ZNF519: variants seen among roughly 807,000 people sequenced by gnomAD.
The protein encoded by ZNF519 is similar to Zinc finger protein 85 (Zinc finger protein HPF4) (HTF1).
A neutral mutation model predicts 7.4 loss-of-function variants in ZNF519; 7 were observed. The ratio of observed to expected loss-of-function variants is 0.94; its 90% CI spans 0.54 to 1.77. The LOEUF is 1.77. ZNF519 is among the 40% of genes most tolerant of loss of function. The pLI is 0.00. For synonymous variants in ZNF519, 179 were observed against 203.3 expected (o/e 0.88, Z 1.02); for missense variants, 586 against 623.1 (o/e 0.94, Z 0.63).
intron 1 of ZNF519, among the ~76,000 whole-genome samples, chr18:14,128,086 G>A (rs950798872): frequency 4.0e-5 from 6 of 151,856 alleles, no homozygotes; most frequent in Non-Finnish European, 8.8e-5. Context: ...TCAGGAGATC[G>A]AGACCATCCT....
chr18:14,116,149 T>C (rs1164595177), intron 2 of ZNF519, among the ~76,000 whole-genome samples: 2 of 152,140 alleles, frequency 1.3e-5, no homozygotes, highest in Admixed American at 1.3e-4. Flanking sequence ...AGAAGCAAAA[T>C]TGCCAAATTG....
At position 14,114,232 on chromosome 18, in the gene ZNF519, G is replaced by C. The variant is rs111905592; in HGVS notation, c.131-7823C>G. Among the ~76,000 whole-genome samples, 26 of 152,192 alleles carry C rather than the reference G, an allele frequency of 1.7e-4. 1 individual carries two copies. Among genetic ancestry groups the C allele is most frequent in the African/African-American group, 5.8e-4 (24 of 41,550 alleles). The stretch of plus-strand genomic sequence containing the variant: ...TTTACCCCATTTAATTTCCTGGTGA[G>C]TTTCTACAATGTTTTCTTAATAGTA... On this transcript the variant is annotated intron_variant, in intron 2 of 2. Transcript: ENST00000590202.
rs762975260 is a variant in ZNF519 at position 14,104,903 on chromosome 18, C to A, written c.*14G>T. ...GTTTAGGGTTTTAGCACATTCTTTA[C>A]ACTTGCAGGGTTTCTACCTGGTATG... On this transcript the variant is annotated 3_prime_UTR_variant, in exon 3 of 3. Coordinates refer to ENST00000590202, the MANE Select transcript of ZNF519 (RefSeq NM_145287.4). 4 of 1,518,212 alleles carry A rather than the reference C, an allele frequency of 2.6e-6. No individual in the cohort carries two copies. The highest frequency in any genetic ancestry group is 2.2e-5 in the Admixed American group (1 of 45,754). The allele number at this position is 1,518,212 out of a possible 1,614,324, so 94.0% of individuals were successfully genotyped here.
downstream of ZNF519, among the ~76,000 whole-genome samples, chr18:14,098,869 A>C (rs894517315): frequency 5.9e-5 from 9 of 152,150 alleles, no homozygotes; most frequent in African/African-American, 1.9e-4. Context: ...TGAAATCTTT[A>C]TTAGGGTCTA....
chr18:14,099,002 A>G (rs563543983), downstream of ZNF519, among the ~76,000 whole-genome samples: 6 of 152,266 alleles, frequency 3.9e-5, no homozygotes, highest in East Asian at 9.7e-4. Context: ...TGTGACACAG[A>G]ATCTGGAGCT....
At chr18:14,091,306 T>A (rs1376655321) in intron 2 of ZNF519, among the ~76,000 whole-genome samples, 3 of 152,206 alleles carry the variant, frequency 2.0e-5, no homozygotes, top group Non-Finnish European at 4.4e-5. Context: ...GAATTCCACA[T>A]CACTGCCCCC....
At chr18:14,097,018 T>C (rs1037874819), downstream of ZNF519, among the ~76,000 whole-genome samples, 1 of 152,284 alleles carries the variant, frequency 6.6e-6, no homozygotes, top group South Asian at 2.1e-4. Flanking sequence ...AGTTGAGTGA[T>C]GTTGCTCTGC....
rs1156517877 is a variant in ZNF519 at position 14,103,666 on chromosome 18, C to G, written c.*1251G>C. On this transcript the variant is annotated 3_prime_UTR_variant, in exon 3 of 3. Transcript: ENST00000590202. ...CACCTTGGGGAACTTGTTAGAGTAA[C>G]AAGTAATAACTTATGGAATCAACAT... 6.6e-6 allele frequency: 1 copy of G among 151,982 alleles called. No individual in the cohort carries two copies. Among genetic ancestry groups the G allele is most frequent in the African/African-American group, 2.4e-5 (1 of 41,374 alleles). The allele number at this position is 151,982 out of a possible 1,614,324, so 9.4% of individuals were successfully genotyped here.
chr18:14,112,847 C>T (rs906328416), intron 2 of ZNF519, among the ~76,000 whole-genome samples: 4 of 152,130 alleles, frequency 2.6e-5, no homozygotes, highest in African/African-American at 4.8e-5. Context: ...ACTACCCAAT[C>T]CAATCTACAG....
At chr18:14,107,935 T>C in intron 2 of ZNF519, among the ~76,000 whole-genome samples, 1 of 152,060 alleles carries the variant, frequency 6.6e-6, no homozygotes, top group South Asian at 2.1e-4. Context: ...AGTAGACTCC[T>C]AAGGTTATTG....
At chr18:14,098,316 C>T (rs781088362), downstream of ZNF519, among the ~76,000 whole-genome samples, 2 of 151,820 alleles carry the variant, frequency 1.3e-5, no homozygotes, top group Non-Finnish European at 2.9e-5. Flanking sequence ...CCCACCACAA[C>T]GCCTGGCAAA....
At chr18:14,126,451 A>G (rs1372540182) in intron 1 of ZNF519, among the ~76,000 whole-genome samples, 1 of 152,208 alleles carries the variant, frequency 6.6e-6, no homozygotes, top group Non-Finnish European at 1.5e-5. Context: ...CCATGAATAG[A>G]CCTTCAGTTG....
Position 14,118,668 on chromosome 18 carries a change from C to T in ZNF519, c.130+5682G>A, listed in dbSNP as rs138024287. Among the ~76,000 whole-genome samples, 295 of 152,218 alleles carry T rather than the reference C, an allele frequency of 1.9e-3. 3 individuals are homozygous for T. The highest frequency in any genetic ancestry group is 6.7e-3 in the African/African-American group (279 of 41,536). On this transcript the variant is annotated intron_variant, in intron 2 of 2. Coordinates refer to ENST00000590202, the MANE Select transcript of ZNF519 (RefSeq NM_145287.4). ...GGCTACAGACAAGGAAATGGCGCACCGAACTTGGTCTTACTGAGGATCCTG... is the reference window on the plus strand; with the variant it reads ...GGCTACAGACAAGGAAATGGCGCACTGAACTTGGTCTTACTGAGGATCCTG...
chr18:14,080,631 A>G (rs539718231), intron 3 of ZNF519, among the ~76,000 whole-genome samples: 1 of 152,194 alleles, frequency 6.6e-6, no homozygotes, highest in African/African-American at 2.4e-5. Context: ...GCAATTTCTT[A>G]TAAAATTAAA....
intron 2 of ZNF519, among the ~76,000 whole-genome samples, chr18:14,089,460 G>C (rs564770618): frequency 6.6e-6 from 1 of 152,260 alleles, no homozygotes; most frequent in South Asian, 2.1e-4. Flanking sequence ...GACACACACT[G>C]AGTCTAGAAC....
chr18:14,077,704 T>C (rs1362192737), intron 4 of ZNF519, among the ~76,000 whole-genome samples: 1 of 152,134 alleles, frequency 6.6e-6, no homozygotes, highest in Non-Finnish European at 1.5e-5. Flanking sequence ...CTCATGTAGA[T>C]GGAGCAGGAA....
At chr18:14,087,396 T>C (rs1049255602) in intron 2 of ZNF519, among the ~76,000 whole-genome samples, 2 of 152,266 alleles carry the variant, frequency 1.3e-5, no homozygotes, top group African/African-American at 4.8e-5. Flanking sequence ...TTTGTGTTAA[T>C]ATATTATTTT....
At chr18:14,119,102 C>A (rs2143155205) in intron 2 of ZNF519, among the ~76,000 whole-genome samples, 1 of 152,206 alleles carries the variant, frequency 6.6e-6, no homozygotes, top group East Asian at 1.9e-4. Context: ...TTTCCAGGTC[C>A]CAAAAAGAAT....
At chr18:14,109,762 T>G (rs1960191823) in intron 2 of ZNF519, among the ~76,000 whole-genome samples, 1 of 152,030 alleles carries the variant, frequency 6.6e-6, no homozygotes, top group Non-Finnish European at 1.5e-5. Flanking sequence ...AATAAACAAC[T>G]TCATGACAGA....
Sources: gnomAD v4.1 joint callset for allele counts (sites outside exome capture counted in the v4.1 genomes callset) on GRCh38, gnomAD v4.1.1 for gene constraint, MANE v1.5 for transcripts, NCBI Gene and HGNC (gene_info 2026-07-23, HGNC 2026-07-21) for gene names.